Variants in CNTNAP2 observed in about 807,000 individuals in gnomAD.
CNTNAP2 encodes the protein contactin-associated protein-like 2.
CNTNAP2 carries 98 observed loss-of-function variants against 155.2 expected under a neutral mutation model. The observed-to-expected ratio is 0.63, with a 90% CI of 0.54 to 0.75. The LOEUF (loss-of-function observed/expected upper bound fraction) is 0.75. CNTNAP2 is among the 30% of genes least tolerant of loss of function. CNTNAP2 has a pLI of 0.00. For synonymous variants in CNTNAP2, 651 were observed against 631.2 expected (o/e 1.03, Z -0.47); for missense variants, 1,727 against 1,688.1 (o/e 1.02, Z -0.40).
At position 147,869,992 on chromosome 7, in the gene CNTNAP2, A is replaced by G. The variant is rs576718627; in HGVS notation, c.2099-33573A>G. On this transcript the variant is annotated intron_variant, in intron 13 of 23. Transcript: ENST00000361727. ...GGTTGAGGGAGACATTAAACTCACA[A>G]CACTCCTATAAGATGGACATTATTA... Among the ~76,000 whole-genome samples the G allele has an allele frequency of 5.3e-5, 8 of 152,318 alleles. No homozygotes were observed. The South Asian group carries it at 1.7e-3, about 32-fold the overall frequency.
intron 1 of CNTNAP2, among the ~76,000 whole-genome samples, chr7:146,426,424 T>C (rs1301216184): frequency 3.4e-5 from 5 of 148,518 alleles, no homozygotes; most frequent in East Asian, 2.0e-4. Context: ...CACACACATA[T>C]ACACACACAT....
intron 1 of CNTNAP2, among the ~76,000 whole-genome samples, chr7:146,173,789 T>G (rs991499662): frequency 6.6e-6 from 1 of 152,202 alleles, no homozygotes; most frequent in Non-Finnish European, 1.5e-5. Flanking sequence ...CATGTGTTAG[T>G]TGAAAACAGA....
At chr7:146,676,278 T>C (rs1408720922) in intron 1 of CNTNAP2, among the ~76,000 whole-genome samples, 1 of 152,142 alleles carries the variant, frequency 6.6e-6, no homozygotes, top group Non-Finnish European at 1.5e-5. Context: ...CTATAATGAA[T>C]TGGCTATAGT....
At chr7:148,413,838 A>ACAAC (rs386411618) in intron 23 of CNTNAP2, among the ~76,000 whole-genome samples, 2 of 151,660 alleles carry the variant, frequency 1.3e-5, no homozygotes, top group African/African-American at 2.4e-5. Context: ...ATTTCTACTA[A>ACAAC]CAACCTTGTC....
chr7:146,468,942 CTG>C (rs1796755138), intron 1 of CNTNAP2, among the ~76,000 whole-genome samples: 1 of 151,858 alleles, frequency 6.6e-6, no homozygotes, highest in African/African-American at 2.4e-5. Flanking sequence ...TTAAAAAAAA[CTG>C]TGGAAGAAAA....
At chr7:146,153,726 A>G (rs572033562) in intron 1 of CNTNAP2, among the ~76,000 whole-genome samples, 1 of 152,296 alleles carries the variant, frequency 6.6e-6, no homozygotes, top group South Asian at 2.1e-4. Flanking sequence ...CTAAAAGACA[A>G]TGTACTTTGA....
intron 1 of CNTNAP2, among the ~76,000 whole-genome samples, chr7:146,416,066 C>T (rs1267562283): frequency 6.6e-6 from 1 of 151,632 alleles, no homozygotes; most frequent in Non-Finnish European, 1.5e-5. Context: ...AAGAATATTC[C>T]TTACATTTCT....
At chr7:146,247,538 G>C (rs1799681407) in intron 1 of CNTNAP2, among the ~76,000 whole-genome samples, 1 of 152,110 alleles carries the variant, frequency 6.6e-6, no homozygotes, top group African/African-American at 2.4e-5. Context: ...TTTGGGATGA[G>C]TTACATTGGG....
intron 3 of CNTNAP2, among the ~76,000 whole-genome samples, chr7:146,890,187 C>T (rs2129211290): frequency 6.6e-6 from 1 of 152,216 alleles, no homozygotes; most frequent in East Asian, 1.9e-4. Context: ...AAAGATATGC[C>T]CTGATTTTGT....
At chr7:147,547,804 C>T (rs1562991198) in intron 11 of CNTNAP2, among the ~76,000 whole-genome samples, 2 of 151,964 alleles carry the variant, frequency 1.3e-5, no homozygotes, top group African/African-American at 2.4e-5. Context: ...TTCCCCTCTC[C>T]GTGTCCATGT....
intron 20 of CNTNAP2, among the ~76,000 whole-genome samples, chr7:148,266,169 C>T (rs535913821): frequency 2.6e-5 from 4 of 152,312 alleles, no homozygotes; most frequent in South Asian, 2.1e-4. Flanking sequence ...CCGCACCTCT[C>T]GTCATGCTGA....
intron 9 of CNTNAP2, among the ~76,000 whole-genome samples, chr7:147,347,102 T>A (rs1193760076): frequency 6.6e-6 from 1 of 152,134 alleles, no homozygotes; most frequent in Non-Finnish European, 1.5e-5. Flanking sequence ...AGGGTAAAAT[T>A]ATCTTATCTG....
intron 21 of CNTNAP2, among the ~76,000 whole-genome samples, chr7:148,306,253 C>G (rs991888323): frequency 1.3e-5 from 2 of 152,040 alleles, no homozygotes; most frequent in African/African-American, 2.4e-5. Flanking sequence ...GGTTCTTATT[C>G]TTCTTTGTTT....
At chr7:146,140,057 C>T (rs1257067177) in intron 1 of CNTNAP2, among the ~76,000 whole-genome samples, 3 of 152,138 alleles carry the variant, frequency 2.0e-5, no homozygotes, top group Non-Finnish European at 4.4e-5. Flanking sequence ...AAATGTAACA[C>T]TTTCATACCT....
intron 1 of CNTNAP2, among the ~76,000 whole-genome samples, chr7:146,576,057 T>C (rs1798519682): frequency 6.6e-6 from 1 of 152,314 alleles, no homozygotes; most frequent in East Asian, 1.9e-4. Context: ...AACATCTGTT[T>C]GTAATTTTCA....
At chr7:147,510,831 C>T (rs533775655) in intron 11 of CNTNAP2, among the ~76,000 whole-genome samples, 13 of 72,684 alleles carry the variant, frequency 1.8e-4, no homozygotes, top group East Asian at 3.8e-4. Flanking sequence ...AGTAAGTGCT[C>T]CTGTGATGGG....
chr7:147,591,077 C>T (rs900821379), intron 12 of CNTNAP2, among the ~76,000 whole-genome samples: 14 of 152,204 alleles, frequency 9.2e-5, no homozygotes, highest in Non-Finnish European at 1.9e-4. Flanking sequence ...TGTGTGAACT[C>T]ATCACTCAAA....
At chr7:147,658,598 C>A (rs1002521685) in intron 13 of CNTNAP2, among the ~76,000 whole-genome samples, 2 of 152,120 alleles carry the variant, frequency 1.3e-5, no homozygotes, top group Non-Finnish European at 2.9e-5. Flanking sequence ...GCCAAATCTC[C>A]CCCTGCAGGG....
At position 146,527,777 on chromosome 7, in the gene CNTNAP2, G is replaced by A. The variant is rs1052421657; in HGVS notation, c.98-246494G>A. Among the ~76,000 whole-genome samples the A allele has an allele frequency of 3.3e-5, 5 of 150,968 alleles. No individual in the cohort carries two copies. The South Asian group carries it at 1.0e-3, about 31-fold the overall frequency. On this transcript the variant is annotated intron_variant, in intron 1 of 23. Coordinates refer to ENST00000361727, the MANE Select transcript of CNTNAP2 (RefSeq NM_014141.6). ...CGACAAGTGGATAATGTTATTGCTG[G>A]GATGCTTGAACAAAATGTTCAATTA... is the stretch of plus-strand genomic sequence containing the variant.
Sources: allele counts gnomAD v4.1 joint callset (sites outside exome capture counted in the v4.1 genomes callset), GRCh38; gene constraint gnomAD v4.1.1; transcripts MANE v1.5; gene names NCBI Gene and HGNC (gene_info 2026-07-23, HGNC 2026-07-21).